GNPTAB: variants seen among roughly 807,000 people sequenced by gnomAD.
The protein encoded by GNPTAB is N-acetylglucosamine-1-phosphotransferase subunits alpha/beta.
GNPTAB carries 92 observed loss-of-function variants against 136.6 expected under a neutral mutation model. The observed-to-expected ratio is 0.67, with a 90% CI of 0.57 to 0.80. The LOEUF is 0.80. Ranked by LOEUF, GNPTAB falls within the 30% of genes least tolerant of loss-of-function variation. GNPTAB has a pLI of 0.00. For missense variants in GNPTAB, 1,343 were observed against 1,501.8 expected (o/e 0.89, Z 1.75); for synonymous variants, 512 against 535.1 (o/e 0.96, Z 0.60).
intron 1 of GNPTAB, among the ~76,000 whole-genome samples, chr12:101,826,337 C>T (rs960452984): frequency 2.6e-5 from 4 of 152,070 alleles, no homozygotes; most frequent in Non-Finnish European, 5.9e-5. Flanking sequence ...GGAAGTGATA[C>T]GTTATACATA....
chr12:101,791,084 G>A (rs539024207), intron 2 of GNPTAB, among the ~76,000 whole-genome samples: 2 of 152,152 alleles, frequency 1.3e-5, no homozygotes, highest in Non-Finnish European at 2.9e-5. Context: ...TGACATATGA[G>A]ACACTAGTAC....
At position 101,749,091 on chromosome 12, in the gene GNPTAB, T is replaced by C; in HGVS notation, c.3693+10A>G. On this transcript the variant is annotated intron_variant, in intron 20 of 20. Transcript: ENST00000299314. ...CCATTTAATACCCACATAAAATATA[T>C]AAAACTTACCTGCTCAGCAAAAAAT... is the stretch of plus-strand genomic sequence containing the variant. 1 of 1,497,824 alleles carries C rather than the reference T, an allele frequency of 6.7e-7. No homozygotes were observed. The highest frequency in any genetic ancestry group is 9.3e-7 in the Non-Finnish European group (1 of 1,075,056). 92.8% of individuals were successfully genotyped at this position (1,497,824 alleles called of 1,614,324 possible). A position where few individuals can be genotyped will look rare whatever the true frequency, so the allele number is the denominator to read the frequency against.
intron 13 of GNPTAB, 35 bp from the exon 14 acceptor site, chr12:101,761,798 T>A: frequency 7.0e-7 from 1 of 1,425,216 alleles, no homozygotes; most frequent in Non-Finnish European, 9.9e-7. Context: ...CTCAGCATTA[T>A]GTTTAGTGCA....
chr12:101,780,006 G>A, intron 7 of GNPTAB, 146 bp downstream of exon 7: 1 of 813,798 alleles, frequency 1.2e-6, no homozygotes. Context: ...AAAGTAAGGA[G>A]TGAGGCTCTT....
At chr12:101,748,230 C>G (rs994891096) in intron 20 of GNPTAB, among the ~76,000 whole-genome samples, 1 of 152,198 alleles carries the variant, frequency 6.6e-6, no homozygotes, top group East Asian at 1.9e-4. Flanking sequence ...TCCTGAATTT[C>G]CTTCCATTTA....
chr12:101,829,362 G>A (rs1344026584), intron 1 of GNPTAB, among the ~76,000 whole-genome samples: 4 of 152,108 alleles, frequency 2.6e-5, no homozygotes, highest in Non-Finnish European at 5.9e-5. Context: ...GTACGCGCCT[G>A]TAGTCCCAGC....
chr12:101,798,464 C>T (rs1425126985), intron 1 of GNPTAB, among the ~76,000 whole-genome samples: 1 of 152,130 alleles, frequency 6.6e-6, no homozygotes, highest in African/African-American at 2.4e-5. Context: ...ACATGCCCCA[C>T]CTTTAAGGAG....
intron 7 of GNPTAB, 85 bp downstream of exon 7, chr12:101,780,066 TG>T (rs1440594782): frequency 1.5e-6 from 2 of 1,322,190 alleles, no homozygotes; most frequent in Non-Finnish European, 2.2e-6. Context: ...AGCTAAACTT[TG>T]GGGGAAAAAA....
chr12:101,760,123 G>A lies in GNPTAB; in HGVS notation c.3156C>T (p.His1052=), dbSNP rs759155798. The A allele has an allele frequency of 6.2e-7, 1 of 1,606,626 alleles. No homozygotes were observed. The highest frequency in any genetic ancestry group is 8.5e-7 in the Non-Finnish European group (1 of 1,173,300). ...LSLQDLTGLE[H]MLINCSKMLP... is the part of the protein sequence containing the mutation. ...GCATTTTTGAGCAATTTATTAGCAT[G>A]TGTTCCAGACCTGTCAAATCCTAAC... The change falls in exon 16 of 21, where the codon CAC becomes CAT. Residue 1052 remains histidine (H), a synonymous_variant. Transcript: ENST00000299314.
intron 10 of GNPTAB, among the ~76,000 whole-genome samples, chr12:101,768,903 C>G (rs1054303625): frequency 5.3e-5 from 8 of 152,134 alleles, no homozygotes; most frequent in Admixed American, 1.3e-4. Context: ...TCCTCAGCAC[C>G]AAGGCACACC....
chr12:101,808,008 C>A (rs987965597), intron 1 of GNPTAB, among the ~76,000 whole-genome samples: 2 of 151,918 alleles, frequency 1.3e-5, no homozygotes, highest in Non-Finnish European at 2.9e-5. Context: ...GTTAGCACCC[C>A]CTGCTAAAAA....
At chr12:101,780,409 A>G in intron 6 of GNPTAB, 123 bp from the exon 7 acceptor site, 8 of 1,174,168 alleles carry the variant, frequency 6.8e-6, no homozygotes. Context: ...GATTTTTAGG[A>G]TTACTTGAAT....
intron 1 of GNPTAB, among the ~76,000 whole-genome samples, chr12:101,828,607 G>A (rs983546543): frequency 3.3e-5 from 5 of 151,778 alleles, no homozygotes; most frequent in Admixed American, 6.6e-5. Context: ...TGAGAATCAC[G>A]TGAACCCAGG....
intron 1 of GNPTAB, among the ~76,000 whole-genome samples, chr12:101,824,811 G>C (rs1871006147): frequency 6.6e-6 from 1 of 152,042 alleles, no homozygotes; most frequent in Non-Finnish European, 1.5e-5. Context: ...TAATAAGCTA[G>C]GTCTGAGTTG....
At chr12:101,821,057 CAAAAAAAAA>C (rs57630700) in intron 1 of GNPTAB, among the ~76,000 whole-genome samples, 1 of 28,732 alleles carries the variant, frequency 3.5e-5, no homozygotes, top group East Asian at 1.2e-3. Flanking sequence ...GACTCCGTCT[CAAAAAAAAA>C]AAAAAAAAAA....
In GNPTAB at chr12:101,780,673, T is replaced by C. The variant is rs116100586; in HGVS notation, c.572-52A>G. 4,621 of 1,138,760 alleles carry C rather than the reference T, an allele frequency of 4.1e-3. 129 individuals carry two copies. The African/African-American group carries it at 0.059, about 15-fold the overall frequency. The allele number at this position is 1,138,760 out of a possible 1,614,324, so 70.5% of individuals were successfully genotyped here. On this transcript the variant is annotated intron_variant, in intron 5 of 20. Coordinates refer to ENST00000299314, the MANE Select transcript of GNPTAB (RefSeq NM_024312.5). ...CACATTTTTAATGAATACTCAACTATGGTGTCTGGCAGAACACTGTGAAAA... is the reference window on the plus strand; with the variant it reads ...CACATTTTTAATGAATACTCAACTACGGTGTCTGGCAGAACACTGTGAAAA...
At chr12:101,785,762 T>C (rs1868606022) in intron 5 of GNPTAB, 1 of 469,738 alleles carries the variant, frequency 2.1e-6, no homozygotes, top group Admixed American at 3.6e-5. Flanking sequence ...ACAAGGTAAT[T>C]GTGATATCAG....
chr12:101,765,345 G>T, intron 12 of GNPTAB, 41 bp from the exon 13 acceptor site: 2 of 1,318,526 alleles, frequency 1.5e-6, no homozygotes, highest in Non-Finnish European at 2.2e-6. Context: ...TTTTAACTGG[G>T]CATTTTTCCT....
chr12:101,763,237 A>G lies in GNPTAB; in HGVS notation c.2715+965T>C, dbSNP rs767057301. ...ACTCCATCTCAAAAAAAAAAAAAAAAGAAAGGAAAGGAAAGAAAATGGGGG... is the reference window on the plus strand; with the variant it reads ...ACTCCATCTCAAAAAAAAAAAAAAAGGAAAGGAAAGGAAAGAAAATGGGGG... On this transcript the variant is annotated intron_variant, in intron 13 of 20. Coordinates refer to ENST00000299314, the MANE Select transcript of GNPTAB (RefSeq NM_024312.5). Among the ~76,000 whole-genome samples the G allele has an allele frequency of 9.7e-3, 716 of 73,848 alleles. 4 individuals are homozygous for G. Among genetic ancestry groups the G allele is most frequent in the African/African-American group, 0.032 (698 of 21,740 alleles). 48.4% of individuals were successfully genotyped at this position (73,848 alleles called of 152,430 possible).
Sources: allele counts gnomAD v4.1 joint callset (sites outside exome capture counted in the v4.1 genomes callset), GRCh38; gene constraint gnomAD v4.1.1; transcripts MANE v1.5; gene names NCBI Gene and HGNC (gene_info 2026-07-23, HGNC 2026-07-21).